ADAM7: variants seen among roughly 807,000 people sequenced by gnomAD.
The protein encoded by ADAM7 is ADAM metallopeptidase domain 7.
Under a neutral mutation model 102.9 loss-of-function variants are expected in ADAM7, and 97 were observed. The observed-to-expected ratio is 0.94, with a 90% CI of 0.80 to 1.12. The LOEUF (loss-of-function observed/expected upper bound fraction) is 1.12. Among genes scored for constraint, ADAM7 ranks in the 50% most tolerant of loss-of-function variants. ADAM7 has a pLI of 0.00. For synonymous variants in ADAM7, 334 were observed against 304.4 expected, an observed-to-expected ratio of 1.10 and a Z score of -1.01; for missense variants, 991 against 908.7, an observed-to-expected ratio of 1.09 and a Z score of -1.16.
intron 13 of ADAM7, 113 bp downstream of exon 13, chr8:24,491,001 G>A (rs1400591024): frequency 1.5e-5 from 15 of 1,014,698 alleles, no homozygotes; most frequent in Non-Finnish European, 1.9e-5. Flanking sequence ...AATGAAGCTA[G>A]GCTTGCAAGT....
Position 24,482,229 on chromosome 8 carries a change from G to T in ADAM7, c.793G>T (p.Glu265Ter), listed in dbSNP as rs766206304. 6.2e-7 allele frequency: 1 copy of T among 1,610,196 alleles called. No homozygotes were observed. ...EDKIELYSNIETTLLRFSFWQ... is the reference protein window; with the variant it reads ...EDKIELYSNI The stretch of plus-strand genomic sequence containing the variant: ...TAAAATAGAACTATATTCAAATATA[G>T]AAACTACCTTATTGCGTTTTTCATT... The change falls in exon 9 of 22, where the codon GAA (glutamate) becomes TAA (stop). Residue 265 changes from glutamate to a stop codon, truncating the protein, a stop_gained. Transcript: ENST00000175238. LOFTEE classifies it high-confidence loss of function.
At chr8:24,478,231 C>CAAAT (rs1819834788) in intron 8 of ADAM7, among the ~76,000 whole-genome samples, 1 of 152,120 alleles carries the variant, frequency 6.6e-6, no homozygotes, top group Non-Finnish European at 1.5e-5. Context: ...TTGAAGTCCT[C>CAAAT]AAATTCTTGC....
intron 5 of ADAM7, among the ~76,000 whole-genome samples, chr8:24,466,586 A>C (rs527420818): frequency 6.6e-6 from 1 of 152,262 alleles, no homozygotes; most frequent in South Asian, 2.1e-4. Flanking sequence ...GGACTGTGAA[A>C]CTTCTGAAAA....
intron 2 of ADAM7, among the ~76,000 whole-genome samples, chr8:24,444,193 G>GTTTTTTTTTTT (rs1423500876): frequency 6.6e-6 from 1 of 150,472 alleles, no homozygotes; most frequent in Non-Finnish European, 1.5e-5. Flanking sequence ...TAACAGCTTT[G>GTTTTTTTTTTT]TATTATGACA....
intron 15 of ADAM7, 113 bp downstream of exon 15, chr8:24,492,710 G>C (rs1465251313): frequency 2.9e-6 from 2 of 693,526 alleles, no homozygotes; most frequent in Admixed American, 6.3e-5. Context: ...CGGGAGAAGA[G>C]GGAAATAAGA....
chr8:24,499,109 A>G (rs1820657953), intron 16 of ADAM7, 127 bp from the exon 17 acceptor site: 2 of 650,532 alleles, frequency 3.1e-6, no homozygotes, highest in Middle Eastern at 4.2e-4. Flanking sequence ...TAATTAAATC[A>G]TGTAAATTGA....
chr8:24,467,730 C>T (rs949935386), intron 6 of ADAM7: 18 of 152,200 alleles, frequency 1.2e-4, no homozygotes, highest in African/African-American at 3.6e-4. Context: ...ACACTGAAAG[C>T]TGAATACTTA....
chr8:24,447,121 C>A, intron 2 of ADAM7, 65 bp from the exon 3 acceptor site: 1 of 860,258 alleles, frequency 1.2e-6, no homozygotes, highest in South Asian at 2.5e-5. Flanking sequence ...ACCCAAAGCA[C>A]TACTTGCTCC....
At position 24,442,584 on chromosome 8, in the gene ADAM7, T is replaced by C; in HGVS notation, c.156+8T>C. The C allele has an allele frequency of 6.2e-7, 1 of 1,603,828 alleles. No individual in the cohort carries two copies. Among genetic ancestry groups the C allele is most frequent in the South Asian group, 1.1e-5 (1 of 90,858 alleles). On this transcript the variant is annotated splice_region_variant and intron_variant, in intron 2 of 21. Transcript: ENST00000175238. Reference sequence around the variant, plus strand: ...CATGATGATGACATACTGGTACAAGTTTTGATTTAGTAAATAAGATTTGTT... The same window carrying C: ...CATGATGATGACATACTGGTACAAGCTTTGATTTAGTAAATAAGATTTGTT...
At position 24,451,989 on chromosome 8, in the gene ADAM7, G is replaced by C. The variant is rs1256377775; in HGVS notation, c.233+4727G>C. ...GTGAGTTTCTTAATCCTGAGTTCTA[G>C]TTTGATTGCACTGTGGTCTGAGAGA... On this transcript the variant is annotated intron_variant, in intron 3 of 21. Coordinates refer to ENST00000175238, the MANE Select transcript of ADAM7 (RefSeq NM_003817.4). 5.3e-4 allele frequency among the ~76,000 whole-genome samples: 80 copies of C among 152,086 alleles called. 1 individual carries two copies. The highest frequency in any genetic ancestry group is 1.8e-3 in the African/African-American group (75 of 41,400).
rs769495416 is a variant in ADAM7, at chr8:24,468,814, T to TA, written c.628dup (p.Thr210AsnfsTer12). 1.9e-6 allele frequency: 3 copies of TA among 1,612,906 alleles called. No homozygotes were observed. In the African/African-American group the frequency reaches 4.0e-5, roughly 21 times the overall value. ...TTGAATTGTTCATTGTTGCTGATGA[T>TA]ACTGTGGTAAGTTTTCAATAGAACA... On this transcript the variant is annotated frameshift_variant, in exon 7 of 22. Coordinates refer to ENST00000175238, the MANE Select transcript of ADAM7 (RefSeq NM_003817.4). LOFTEE classifies it high-confidence loss of function.
intron 3 of ADAM7, among the ~76,000 whole-genome samples, chr8:24,454,452 C>T (rs1368510655): frequency 3.3e-5 from 5 of 152,112 alleles, no homozygotes; most frequent in Middle Eastern, 3.4e-3. Flanking sequence ...TAAGACCCTC[C>T]GAGCCAGGTG....
chr8:24,470,599 C>T (rs957422530), intron 7 of ADAM7, among the ~76,000 whole-genome samples: 6 of 152,082 alleles, frequency 3.9e-5, no homozygotes, highest in African/African-American at 1.4e-4. Flanking sequence ...GAAAGTGGTT[C>T]CATTAGATGA....
At chr8:24,477,519 A>G (rs529394334) in intron 8 of ADAM7, among the ~76,000 whole-genome samples, 2 of 151,172 alleles carry the variant, frequency 1.3e-5, no homozygotes, top group East Asian at 3.9e-4. Context: ...AGTTTTGTCC[A>G]TTGGGCAATA....
At chr8:24,451,003 C>CT (rs1225860777) in intron 3 of ADAM7, among the ~76,000 whole-genome samples, 1 of 151,866 alleles carries the variant, frequency 6.6e-6, no homozygotes, top group Non-Finnish European at 1.5e-5. Flanking sequence ...ATGAAGCCCA[C>CT]TTGATCATGG....
At chr8:24,474,158 G>A (rs1031556170) in intron 7 of ADAM7, among the ~76,000 whole-genome samples, 2 of 152,022 alleles carry the variant, frequency 1.3e-5, no homozygotes, top group African/African-American at 4.8e-5. Flanking sequence ...TAATTGAAAA[G>A]ATGTAACAGT....
At position 24,508,950 on chromosome 8, in the gene ADAM7, C is replaced by G. The variant is rs1052378821; in HGVS notation, c.*404C>G. 43 of 1,016,632 alleles carry G rather than the reference C, an allele frequency of 4.2e-5. No individual in the cohort carries two copies. The highest frequency in any genetic ancestry group is 4.8e-4 in the Middle Eastern group (1 of 2,072). 63.0% of individuals were successfully genotyped at this position (1,016,632 alleles called of 1,614,324 possible). Reference sequence around the variant, plus strand: ...TTACTTTTTTGGAAACATAAAAGTACGTTTTAAAACTTGAACATGACATCA... The same window carrying G: ...TTACTTTTTTGGAAACATAAAAGTAGGTTTTAAAACTTGAACATGACATCA... On this transcript the variant is annotated 3_prime_UTR_variant, in exon 22 of 22. Coordinates refer to ENST00000175238, the MANE Select transcript of ADAM7 (RefSeq NM_003817.4).
chr8:24,458,873 G>A (rs17051998), intron 3 of ADAM7, among the ~76,000 whole-genome samples: 3,128 of 151,948 alleles, frequency 0.021, 120 homozygotes, highest in African/African-American at 0.072. Flanking sequence ...ATATGGCAGT[G>A]TACACTGATT....
chr8:24,461,451 C>G (rs187883929), intron 3 of ADAM7, among the ~76,000 whole-genome samples: 1 of 152,224 alleles, frequency 6.6e-6, no homozygotes, highest in East Asian at 1.9e-4. Context: ...GTCTTTATTT[C>G]TGATACTCTG....
Sources: gnomAD v4.1 joint callset for allele counts (sites outside exome capture counted in the v4.1 genomes callset) on GRCh38, gnomAD v4.1.1 for gene constraint, MANE v1.5 for transcripts, NCBI Gene and HGNC (gene_info 2026-07-23, HGNC 2026-07-21) for gene names.